The following RGS7 variants were observed in gnomAD, a reference collection of about 807,000 sequenced individuals.
RGS7 encodes the protein regulator of G protein signaling 7.
A neutral mutation model predicts 81.1 loss-of-function variants in RGS7; 27 were observed. The observed-to-expected ratio is 0.33, with a 90% CI of 0.25 to 0.46. RGS7 has a LOEUF of 0.46. RGS7 is among the 20% of genes least tolerant of loss of function. The probability of loss-of-function intolerance (pLI) is 1.00; values close to 1 mark genes in which losing one functional copy is unlikely to be tolerated. For synonymous variants in RGS7, 208 were observed against 207.7 expected, an observed-to-expected ratio of 1.00 and a Z score of -0.01; for missense variants, 396 against 607.4, an observed-to-expected ratio of 0.65 and a Z score of 3.66.
At chr1:241,299,525 A>C (rs2079610640) in intron 2 of RGS7, among the ~76,000 whole-genome samples, 1 of 151,928 alleles carries the variant, frequency 6.6e-6, no homozygotes, top group Non-Finnish European at 1.5e-5. Flanking sequence ...TTTCATCATC[A>C]GCTTTGGCTG....
chr1:241,175,464 A>G (rs1359586367), intron 2 of RGS7, among the ~76,000 whole-genome samples: 1 of 152,152 alleles, frequency 6.6e-6, no homozygotes, highest in Non-Finnish European at 1.5e-5. Context: ...CCACACATAC[A>G]GAAGAGGTCA....
At chr1:241,098,360 C>T (rs1165518218) in intron 3 of RGS7, among the ~76,000 whole-genome samples, 2 of 152,222 alleles carry the variant, frequency 1.3e-5, no homozygotes, top group Non-Finnish European at 2.9e-5. Context: ...TTTCACCCTC[C>T]TAATTTCCAT....
intron 2 of RGS7, among the ~76,000 whole-genome samples, chr1:241,190,735 T>C (rs1373850338): frequency 6.6e-6 from 1 of 152,344 alleles, no homozygotes; most frequent in African/African-American, 2.4e-5. Context: ...TTTCATTTTC[T>C]ATATAGACAA....
At chr1:240,945,210 C>T (rs563285142) in intron 4 of RGS7, among the ~76,000 whole-genome samples, 12 of 152,290 alleles carry the variant, frequency 7.9e-5, no homozygotes, top group African/African-American at 2.9e-4. Flanking sequence ...TTGCCATTGC[C>T]CATGTCCCAA....
chr1:241,028,123 C>T (rs1369694419), intron 3 of RGS7, among the ~76,000 whole-genome samples: 4 of 152,146 alleles, frequency 2.6e-5, no homozygotes, highest in African/African-American at 4.8e-5. Context: ...GACCAAGAAG[C>T]CAGTGATGTT....
intron 2 of RGS7, among the ~76,000 whole-genome samples, chr1:241,323,605 C>A (rs1199409205): frequency 6.6e-6 from 1 of 152,192 alleles, no homozygotes; most frequent in Non-Finnish European, 1.5e-5. Flanking sequence ...ATGATATGAA[C>A]GAGTCCAAGA....
intron 2 of RGS7, among the ~76,000 whole-genome samples, chr1:241,282,879 A>C (rs1433910581): frequency 6.6e-6 from 1 of 152,122 alleles, no homozygotes; most frequent in Non-Finnish European, 1.5e-5. Flanking sequence ...TTTAACTAAT[A>C]TGTGTATAAA....
chr1:241,296,486 T>A (rs2079433886), intron 2 of RGS7, among the ~76,000 whole-genome samples: 1 of 152,244 alleles, frequency 6.6e-6, no homozygotes, highest in African/African-American at 2.4e-5. Flanking sequence ...AAAATCAACA[T>A]GTCCAATGTC....
intron 10 of RGS7, among the ~76,000 whole-genome samples, chr1:240,819,580 A>G (rs1344010671): frequency 2.0e-5 from 3 of 152,256 alleles, no homozygotes; most frequent in Admixed American, 1.3e-4. Flanking sequence ...CTCTACTGAA[A>G]ATACAAAATT....
At chr1:240,849,171 TAAAC>T (rs1199783054) in intron 9 of RGS7, among the ~76,000 whole-genome samples, 1 of 152,212 alleles carries the variant, frequency 6.6e-6, no homozygotes, top group Non-Finnish European at 1.5e-5. Flanking sequence ...GTGTATCTCT[TAAAC>T]AGATCTATTC....
intron 2 of RGS7, among the ~76,000 whole-genome samples, chr1:241,290,404 T>C (rs1442892328): frequency 1.3e-5 from 2 of 152,232 alleles, no homozygotes; most frequent in Non-Finnish European, 1.5e-5. Context: ...AATACAGCAA[T>C]GACTTAGAAA....
chr1:241,086,014 T>C (rs2063417856), intron 3 of RGS7, among the ~76,000 whole-genome samples: 1 of 152,228 alleles, frequency 6.6e-6, no homozygotes, highest in African/African-American at 2.4e-5. Context: ...ACACAGGAAC[T>C]GTGGGCTCTG....
chr1:241,047,962 A>T (rs1277595534), intron 3 of RGS7, among the ~76,000 whole-genome samples: 1 of 150,712 alleles, frequency 6.6e-6, no homozygotes, highest in Non-Finnish European at 1.5e-5. Flanking sequence ...CTGATCTTGA[A>T]CTCCTGACCT....
intron 4 of RGS7, among the ~76,000 whole-genome samples, chr1:240,980,036 T>A (rs966257142): frequency 6.6e-6 from 1 of 152,172 alleles, no homozygotes; most frequent in African/African-American, 2.4e-5. Flanking sequence ...ATTCCATATA[T>A]GTGTATTATA....
At chr1:241,107,010 C>T (rs543251130) in intron 2 of RGS7, among the ~76,000 whole-genome samples, 4 of 151,918 alleles carry the variant, frequency 2.6e-5, no homozygotes, top group African/African-American at 7.2e-5. Context: ...GTTGGGATTA[C>T]TTGGGTTGAC....
chr1:241,145,545 T>A (rs1474826992), intron 2 of RGS7, among the ~76,000 whole-genome samples: 1 of 152,180 alleles, frequency 6.6e-6, no homozygotes, highest in African/African-American at 2.4e-5. Flanking sequence ...ATCCCAGCAC[T>A]TTGGGAGACA....
intron 18 of RGS7, among the ~76,000 whole-genome samples, chr1:240,799,050 G>A (rs1687559651): frequency 6.6e-6 from 1 of 152,104 alleles, no homozygotes; most frequent in Non-Finnish European, 1.5e-5. Context: ...GATCTAAGAT[G>A]CTTGATACAG....
intron 9 of RGS7, among the ~76,000 whole-genome samples, chr1:240,849,274 T>C (rs577104517): frequency 9.9e-5 from 15 of 152,168 alleles, no homozygotes; most frequent in African/African-American, 3.4e-4. Flanking sequence ...CTCATCCTAA[T>C]GGCTTTCCTC....
chr1:240,932,601 C>T (rs1305169305), intron 5 of RGS7, among the ~76,000 whole-genome samples: 4 of 150,330 alleles, frequency 2.7e-5, no homozygotes, highest in Non-Finnish European at 4.4e-5. Flanking sequence ...CTCCGCCTCC[C>T]GGGTTCACGC....
Sources: allele counts gnomAD v4.1 joint callset (sites outside exome capture counted in the v4.1 genomes callset), GRCh38; gene constraint gnomAD v4.1.1; transcripts MANE v1.5; gene names NCBI Gene and HGNC (gene_info 2026-07-23, HGNC 2026-07-21).